CTIF: variants seen among roughly 807,000 people sequenced by gnomAD.
The protein encoded by CTIF is cap binding complex dependent translation initiation factor.
Under a neutral mutation model 66.0 loss-of-function variants are expected in CTIF, and 21 were observed. That is an observed-to-expected ratio of 0.32 (90% confidence interval 0.23 to 0.46). CTIF has a LOEUF of 0.46. Among genes scored for constraint, CTIF ranks in the 20% least tolerant of loss-of-function variants. The pLI, the probability that CTIF is intolerant of heterozygous loss-of-function variation, is 1.00. For synonymous variants in CTIF, 345 were observed against 326.4 expected, an observed-to-expected ratio of 1.06 and a Z score of -0.62; for missense variants, 739 against 812.7, an observed-to-expected ratio of 0.91 and a Z score of 1.10.
At chr18:48,646,265 AC>A (rs200074919) in intron 3 of CTIF, among the ~76,000 whole-genome samples, 9,461 of 152,234 alleles carry the variant, frequency 0.062, 717 homozygotes, top group East Asian at 0.39. Context: ...GACATTTTTC[AC>A]TGAAGACGTT....
chr18:48,742,056 G>T (rs2092559406), intron 7 of CTIF, among the ~76,000 whole-genome samples: 1 of 152,184 alleles, frequency 6.6e-6, no homozygotes, highest in African/African-American at 2.4e-5. Flanking sequence ...AACAGGATGT[G>T]GTCCCTGCCT....
At chr18:48,664,417 C>G in intron 4 of CTIF, 30 bp from the exon 5 acceptor site, 1 of 1,588,100 alleles carries the variant, frequency 6.3e-7, no homozygotes, top group Non-Finnish European at 8.6e-7. Flanking sequence ...GCCCTCTTGC[C>G]TCCGTTTCTC....
intron 7 of CTIF, among the ~76,000 whole-genome samples, chr18:48,730,242 TCCGCG>T (rs2092427728): frequency 7.5e-6 from 1 of 132,708 alleles, no homozygotes; most frequent in African/African-American, 3.1e-5. Context: ...GTGAGGGGCC[TCCGCG>T]GTGTGAGGGG....
At chr18:48,670,465 G>A (rs1297277774) in intron 5 of CTIF, 2 of 518,196 alleles carry the variant, frequency 3.9e-6, no homozygotes, top group Non-Finnish European at 6.8e-6. Flanking sequence ...CCTCCAGGTT[G>A]GCTGTTGCAT....
At chr18:48,625,183 T>A (rs2090571866) in intron 2 of CTIF, 15 of 983,678 alleles carry the variant, frequency 1.5e-5, no homozygotes, top group Admixed American at 1.2e-4. Context: ...ATGTCTTTGC[T>A]CACAGGAGGA....
At position 48,761,569 on chromosome 18, in the gene CTIF, C is replaced by G. The variant is rs1908996941; in HGVS notation, c.1251C>G (p.Ile417Met). The G allele has an allele frequency of 6.2e-7, 1 of 1,614,216 alleles. No homozygotes were observed. Among genetic ancestry groups the G allele is most frequent in the Non-Finnish European group, 8.5e-7 (1 of 1,180,042 alleles). The change falls in exon 9 of 12, where the codon ATC (isoleucine) becomes ATG (methionine). Residue 417 changes from isoleucine (I) to methionine (M), a missense_variant. By Grantham distance (10) the Ile-to-Met change is conservative. This residue lies in a region of CTIF where 210 missense variants were observed against 292.3 expected (regional missense o/e 0.72). Transcript: ENST00000256413. The surrounding 1 kb of genome is among the most constrained non-coding windows in gnomAD (Gnocchi z 4.2). ...TGCTGGGCGAGATCGTGCGCACAAT[C>G]TACCAGAAGGCTGTGTCCGACCGCA... ...EEMLGEIVRT[I>M]YQKAVSDRSF...
rs572906612 is a variant in CTIF at position 48,620,274 on chromosome 18, G to T, written c.180+529G>T. Among the ~76,000 whole-genome samples the T allele has an allele frequency of 2.0e-5, 3 of 152,192 alleles. No individual in the cohort carries two copies. In the East Asian group the frequency reaches 5.8e-4, roughly 29 times the overall value. On this transcript the variant is annotated intron_variant, in intron 2 of 11. Coordinates refer to ENST00000256413, the MANE Select transcript of CTIF (RefSeq NM_014772.3). ...TTAGACATATGAGGCAATCCAACCA[G>T]CGTCATGTTTGGTCCTGCACCCTCC...
chr18:48,569,947 G>T (rs1442742604), intron 1 of CTIF, among the ~76,000 whole-genome samples: 1 of 152,196 alleles, frequency 6.6e-6, no homozygotes, highest in Admixed American at 6.5e-5. Context: ...CAGTGACATT[G>T]GTCTCCTCAG....
At chr18:48,711,517 G>A in intron 6 of CTIF, 102 bp from the exon 7 acceptor site, 1 of 872,674 alleles carries the variant, frequency 1.1e-6, no homozygotes, top group Non-Finnish European at 1.8e-6. Flanking sequence ...AACTCTTGAT[G>A]TCTTTCTGTC....
chr18:48,579,715 GGT>G (rs1373695118), intron 1 of CTIF, among the ~76,000 whole-genome samples: 1 of 152,106 alleles, frequency 6.6e-6, no homozygotes, highest in Non-Finnish European at 1.5e-5. Flanking sequence ...GATGGATCTT[GGT>G]GTACCCAGGT....
Position 48,603,516 on chromosome 18 carries a change from T to C in CTIF, c.-28-16022T>C, listed in dbSNP as rs111211429. ...GTGGGTGGGTGGATGGATGGATGGA[T>C]GGATGGATGGATAGATGGATGAATG... is the stretch of plus-strand genomic sequence containing the variant. On this transcript the variant is annotated intron_variant, in intron 1 of 11. Transcript: ENST00000256413. Among the ~76,000 whole-genome samples, 271 of 147,670 alleles carry C rather than the reference T, an allele frequency of 1.8e-3. 1 individual carries two copies. The highest frequency in any genetic ancestry group is 6.5e-3 in the African/African-American group (256 of 39,590).
chr18:48,857,409 G>T (rs546186448), intron 10 of CTIF, among the ~76,000 whole-genome samples, 179 bp from the exon 11 acceptor site: 1 of 152,298 alleles, frequency 6.6e-6, no homozygotes, highest in Admixed American at 6.5e-5. Context: ...GCCACCCGGC[G>T]CAACTGACTT....
At chr18:48,640,595 G>C (rs2090909676) in intron 3 of CTIF, among the ~76,000 whole-genome samples, 1 of 152,242 alleles carries the variant, frequency 6.6e-6, no homozygotes, top group South Asian at 2.1e-4. Flanking sequence ...AGATGCGGTG[G>C]CTGGCTGCTC....
intron 7 of CTIF, among the ~76,000 whole-genome samples, chr18:48,721,227 G>A (rs190577511): frequency 6.9e-4 from 105 of 152,328 alleles, no homozygotes; most frequent in African/African-American, 1.7e-3. Context: ...TGAAGAGGAC[G>A]TAGGGGCACA....
intron 7 of CTIF, among the ~76,000 whole-genome samples, chr18:48,733,430 C>T (rs1222303656): frequency 6.6e-6 from 1 of 152,216 alleles, no homozygotes; most frequent in Non-Finnish European, 1.5e-5. Flanking sequence ...TTGCTGACCA[C>T]TGTCTCCAGT....
chr18:48,553,712 G>A lies in CTIF; in HGVS notation c.-29+14400G>A, dbSNP rs185155854. 4.0e-5 allele frequency among the ~76,000 whole-genome samples: 6 copies of A among 150,934 alleles called. No individual in the cohort carries two copies. In the East Asian group the frequency reaches 1.2e-3, roughly 29 times the overall value. On this transcript the variant is annotated intron_variant, in intron 1 of 11. Transcript: ENST00000256413. Reference sequence around the variant, plus strand: ...GCTCTGCCGCCCAGGCTGGAGTGCAGTGGCGTGATCTCAGCTCACTGCAAG... The same window carrying A: ...GCTCTGCCGCCCAGGCTGGAGTGCAATGGCGTGATCTCAGCTCACTGCAAG...
chr18:48,550,194 G>A lies in CTIF; in HGVS notation c.-29+10882G>A, dbSNP rs867654774. On this transcript the variant is annotated intron_variant, in intron 1 of 11. Transcript: ENST00000256413. ...CTCCCAGCAGCTCCTCCACTTTCCC[G>A]ACACTGGGGCCAGGTGGAGAACCCC... Among the ~76,000 whole-genome samples, 25 of 152,286 alleles carry A rather than the reference G, an allele frequency of 1.6e-4. No homozygotes were observed. In the South Asian group the frequency reaches 3.3e-3, roughly 20 times the overall value.
chr18:48,716,791 T>C (rs1244858663), intron 7 of CTIF, among the ~76,000 whole-genome samples: 1 of 152,224 alleles, frequency 6.6e-6, no homozygotes, highest in African/African-American at 2.4e-5. Flanking sequence ...CATCGCACCG[T>C]GCCTGTGCGG....
rs2069508505 is a variant in CTIF, at chr18:48,862,882, G to C, written c.*3323G>C. 2.6e-5 allele frequency: 4 copies of C among 152,282 alleles called. No individual in the cohort carries two copies. The highest frequency in any genetic ancestry group is 1.3e-4 in the Admixed American group (2 of 15,292). 9.4% of individuals were successfully genotyped at this position (152,282 alleles called of 1,614,324 possible). A position where few individuals can be genotyped will look rare whatever the true frequency, so the allele number is the denominator to read the frequency against. On this transcript the variant is annotated 3_prime_UTR_variant, in exon 12 of 12. Transcript: ENST00000256413. Reference sequence around the variant, plus strand: ...GCCCGTGTTCCTTGTCAGACAGACAGACTCTCAGGCCTGCCTGGGGAGTCG... The same window carrying C: ...GCCCGTGTTCCTTGTCAGACAGACACACTCTCAGGCCTGCCTGGGGAGTCG...
Sources: gnomAD v4.1 joint callset for allele counts (sites outside exome capture counted in the v4.1 genomes callset) on GRCh38, gnomAD v4.1.1 for gene constraint, gnomAD v4.1.1 regional missense constraint, Gnocchi (gnomAD v3.1) non-coding constraint, MANE v1.5 for transcripts, NCBI Gene and HGNC (gene_info 2026-07-23, HGNC 2026-07-21) for gene names.